Variants in PEAK1 observed in about 807,000 individuals in gnomAD.
The protein encoded by PEAK1 is pseudopodium enriched atypical kinase 1.
In PEAK1, 54 loss-of-function variants were observed where a neutral mutation model predicts 124.7. That is an observed-to-expected ratio of 0.43 (90% CI 0.35 to 0.54). The LOEUF is 0.54. Among genes scored for constraint, PEAK1 ranks in the 20% least tolerant of loss-of-function variants. The pLI, the probability that PEAK1 is intolerant of heterozygous loss-of-function variation, is 0.01. For missense variants in PEAK1, 2,046 were observed against 2,134.5 expected, an observed-to-expected ratio of 0.96 and a Z score of 0.82; for synonymous variants, 719 against 760.0, an observed-to-expected ratio of 0.95 and a Z score of 0.89.
chr15:77,361,130 A>AT (rs2067859501), intron 2 of PEAK1, among the ~76,000 whole-genome samples: 1 of 152,210 alleles, frequency 6.6e-6, no homozygotes. Context: ...CCCACAGGAG[A>AT]TTAATATCCA....
At chr15:77,415,315 A>G (rs2072783445) in intron 1 of PEAK1, among the ~76,000 whole-genome samples, 1 of 152,046 alleles carries the variant, frequency 6.6e-6, no homozygotes, top group African/African-American at 2.4e-5. Flanking sequence ...CACCCCATCC[A>G]CTGTTAGCCA....
intron 2 of PEAK1, among the ~76,000 whole-genome samples, chr15:77,351,327 CT>C (rs1183410100): frequency 2.6e-5 from 4 of 152,124 alleles, no homozygotes; most frequent in African/African-American, 9.7e-5. Context: ...GAAAAGAGTA[CT>C]TGCTTGGAAA....
At chr15:77,419,687 G>A (rs1299297537) in intron 1 of PEAK1, 23 of 984,732 alleles carry the variant, frequency 2.3e-5, no homozygotes, top group South Asian at 4.7e-5. Flanking sequence ...CCTCGCGGCA[G>A]GTCCCAACTT....
Position 77,114,064 on chromosome 15 carries a change from T to C in PEAK1, c.*92A>G, listed in dbSNP as rs1210506175. ...AGGGATAGAGGTTTGCCTTTCTTCT[T>C]TCCTTGAATTTGGAGTGAGCACTAG... On this transcript the variant is annotated 3_prime_UTR_variant, in exon 10 of 10. Coordinates refer to ENST00000682557, the MANE Select transcript of PEAK1 (RefSeq NM_001385026.1). 10 of 1,385,782 alleles carry C rather than the reference T, an allele frequency of 7.2e-6. No homozygotes were observed. The Admixed American group carries it at 1.9e-4, about 26-fold the overall frequency. 85.8% of individuals were successfully genotyped at this position (1,385,782 alleles called of 1,614,324 possible). A position where few individuals can be genotyped will look rare whatever the true frequency, so the allele number is the denominator to read the frequency against.
At chr15:77,341,694 T>C (rs927350291) in intron 2 of PEAK1, among the ~76,000 whole-genome samples, 3 of 152,154 alleles carry the variant, frequency 2.0e-5, no homozygotes, top group Admixed American at 6.5e-5. Flanking sequence ...GCTCCCATCT[T>C]GAAGCAATCT....
At chr15:77,145,972 T>C (rs1209114700) in intron 8 of PEAK1, among the ~76,000 whole-genome samples, 1 of 152,226 alleles carries the variant, frequency 6.6e-6, no homozygotes. Flanking sequence ...ATAGAACTTA[T>C]CTTCCTATTT....
chr15:77,375,000 G>GACT (rs2068901710), intron 1 of PEAK1, among the ~76,000 whole-genome samples: 1 of 152,116 alleles, frequency 6.6e-6, no homozygotes, highest in Non-Finnish European at 1.5e-5. Flanking sequence ...AAAAATTAAA[G>GACT]ACCATGATGT....
rs577799169 is a variant in PEAK1, at chr15:77,384,585, A to G, written c.-665-19360T>C. 1.8e-4 allele frequency among the ~76,000 whole-genome samples: 27 copies of G among 152,380 alleles called. No homozygotes were observed. In the East Asian group the frequency reaches 5.0e-3, roughly 28 times the overall value. ...AGCAAAATTATGCCATTTTGGAAAC[A>G]GAACTCCTTGTGAGAGTGGTCCTTA... On this transcript the variant is annotated intron_variant, in intron 1 of 9. Transcript: ENST00000682557.
At chr15:77,309,322 CT>C (rs1170378696) in intron 2 of PEAK1, among the ~76,000 whole-genome samples, 6 of 152,126 alleles carry the variant, frequency 3.9e-5, no homozygotes, top group African/African-American at 1.4e-4. Context: ...GCTTTTGACT[CT>C]CCTAATTGAA....
At chr15:77,200,447 C>G (rs2058308744) in intron 6 of PEAK1, among the ~76,000 whole-genome samples, 2 of 152,160 alleles carry the variant, frequency 1.3e-5, no homozygotes, top group African/African-American at 4.8e-5. Context: ...CAAGGGTCAA[C>G]TGTACATTCT....
chr15:77,325,115 A>T (rs547470317), intron 2 of PEAK1, among the ~76,000 whole-genome samples: 2 of 152,348 alleles, frequency 1.3e-5, no homozygotes, highest in African/African-American at 2.4e-5. Flanking sequence ...GCTAGAATAC[A>T]TTCTCTCAAA....
chr15:77,416,800 T>C (rs946285500), intron 1 of PEAK1, among the ~76,000 whole-genome samples: 1 of 152,210 alleles, frequency 6.6e-6, no homozygotes, highest in Non-Finnish European at 1.5e-5. Context: ...CTGAAGACAG[T>C]ATGAAAATGG....
At chr15:77,372,052 A>G (rs766822644) in intron 1 of PEAK1, among the ~76,000 whole-genome samples, 8 of 152,232 alleles carry the variant, frequency 5.3e-5, no homozygotes, top group Non-Finnish European at 1.2e-4. Context: ...TTTCAAAGGT[A>G]TAAGGCAACA....
At chr15:77,394,084 G>T (rs1597583285) in intron 1 of PEAK1, among the ~76,000 whole-genome samples, 2 of 152,258 alleles carry the variant, frequency 1.3e-5, no homozygotes, top group South Asian at 4.1e-4. Flanking sequence ...TTTGTCTTGT[G>T]GCTTGAATGC....
At chr15:77,313,561 G>T (rs1002732211) in intron 2 of PEAK1, among the ~76,000 whole-genome samples, 67 of 150,946 alleles carry the variant, frequency 4.4e-4, no homozygotes, top group African/African-American at 1.5e-3. Context: ...CCACCTCCTG[G>T]GTTCAAGCGA....
intron 2 of PEAK1, among the ~76,000 whole-genome samples, chr15:77,313,644 ATGTATGTATGTGTGTGTG>A (rs1202371460): frequency 4.9e-4 from 37 of 75,404 alleles, no homozygotes; most frequent in African/African-American, 1.2e-4. Context: ...GTATGTATGT[ATGTATGTATGTGTGTGTG>A]TGTGTGTGTG....
chr15:77,225,866 G>A (rs1049040240), intron 6 of PEAK1, among the ~76,000 whole-genome samples: 1 of 146,430 alleles, frequency 6.8e-6, no homozygotes, highest in Non-Finnish European at 1.5e-5. Flanking sequence ...TATTGTGAAT[G>A]TGTATTTCAT....
chr15:77,285,698 T>C (rs1416510299), intron 3 of PEAK1, among the ~76,000 whole-genome samples: 1 of 152,144 alleles, frequency 6.6e-6, no homozygotes, highest in Non-Finnish European at 1.5e-5. Flanking sequence ...TTGCTAATCA[T>C]TTGATATCCC....
intron 1 of PEAK1, among the ~76,000 whole-genome samples, chr15:77,379,555 C>A (rs1342151140): frequency 6.6e-6 from 1 of 152,068 alleles, no homozygotes; most frequent in East Asian, 1.9e-4. Context: ...GCTAGGGTTC[C>A]CGAAATCCAA....
Sources: allele counts gnomAD v4.1 joint callset (sites outside exome capture counted in the v4.1 genomes callset), GRCh38; gene constraint gnomAD v4.1.1; transcripts MANE v1.5; gene names NCBI Gene and HGNC (gene_info 2026-07-23, HGNC 2026-07-21).